HDX: variants seen among roughly 807,000 people sequenced by gnomAD.
HDX encodes highly divergent homeobox, also known as chromosome X open reading frame 43.
A neutral mutation model predicts 45.2 loss-of-function variants in HDX; 19 were observed. The observed-to-expected ratio is 0.42, with a 90% CI of 0.29 to 0.62. HDX has a LOEUF of 0.62. Among genes scored for constraint, HDX ranks in the 20% least tolerant of loss-of-function variants. The pLI, the probability that HDX is intolerant of heterozygous loss-of-function variation, is 0.20. For missense variants in HDX, 532 were observed against 493.9 expected (o/e 1.08, Z -0.73); for synonymous variants, 188 against 172.8 (o/e 1.09, Z -0.69).
chrX:84,499,376 C>G (rs139533404), intron 1 of HDX, among the ~76,000 whole-genome samples: 40 of 111,612 alleles, frequency 3.6e-4, no homozygotes, highest in African/African-American at 1.3e-3. Context: ...ATTTTGGGCT[C>G]TCTAAACTTA....
chrX:84,371,248 A>C (rs1053750495), intron 5 of HDX, among the ~76,000 whole-genome samples: 1 of 111,875 alleles, frequency 8.9e-6, no homozygotes, highest in African/African-American at 3.2e-5. Context: ...TCTGAAGCTT[A>C]TTTTCATTAT....
At chrX:84,490,057 G>A (rs1346142689) in intron 1 of HDX, among the ~76,000 whole-genome samples, 4 of 111,329 alleles carry the variant, frequency 3.6e-5, no homozygotes, top group African/African-American at 1.3e-4. Flanking sequence ...TTTCCTTTAA[G>A]TTATGGAATG....
At chrX:84,489,459 G>T (rs2040854165) in intron 1 of HDX, among the ~76,000 whole-genome samples, 1 of 111,963 alleles carries the variant, frequency 8.9e-6, no homozygotes, top group Admixed American at 9.5e-5. Flanking sequence ...GAGAAGGAAA[G>T]AGTTGTTGTA....
At chrX:84,497,691 CTGTGTG>C (rs3085364) in intron 1 of HDX, among the ~76,000 whole-genome samples, 18 of 103,887 alleles carry the variant, frequency 1.7e-4, no homozygotes, top group African/African-American at 7.1e-5. Flanking sequence ...TGTTATATGA[CTGTGTG>C]TGTGTGTGTG....
chrX:84,382,624 T>G (rs1343166698), intron 5 of HDX, among the ~76,000 whole-genome samples: 3 of 111,443 alleles, frequency 2.7e-5, no homozygotes, highest in Non-Finnish European at 5.7e-5. Flanking sequence ...TTCTCAGTTA[T>G]TTGTGGGATC....
rs771241040 is a variant in HDX, at chrX:84,369,773, T to C, written c.1306-8161A>G. ...TGGAGAAGTTCCCATTCAAGTCCTTTGCCCATTGTTTAAATGGGTTATTTG... is the reference window on the plus strand; with the variant it reads ...TGGAGAAGTTCCCATTCAAGTCCTTCGCCCATTGTTTAAATGGGTTATTTG... On this transcript the variant is annotated intron_variant, in intron 5 of 10. Coordinates refer to ENST00000373177, the MANE Select transcript of HDX (RefSeq NM_001177479.2). Among the ~76,000 whole-genome samples the C allele has an allele frequency of 2.7e-5, 3 of 112,386 alleles. No individual in the cohort carries two copies. In the South Asian group the frequency reaches 1.1e-3, roughly 41 times the overall value.
intron 9 of HDX, among the ~76,000 whole-genome samples, chrX:84,327,572 C>G (rs1053797493): frequency 9.0e-5 from 10 of 111,153 alleles, no homozygotes; most frequent in Non-Finnish European, 1.5e-4. Context: ...AGTGGTTAAA[C>G]AAATGTAAAT....
intron 9 of HDX, among the ~76,000 whole-genome samples, chrX:84,327,306 C>T (rs975187616): frequency 3.6e-5 from 4 of 111,743 alleles, no homozygotes; most frequent in African/African-American, 1.3e-4. Context: ...GGTTATTATA[C>T]TGGTAATCCC....
intron 5 of HDX, among the ~76,000 whole-genome samples, chrX:84,364,600 C>G (rs1251438853): frequency 2.1e-5 from 2 of 95,519 alleles, no homozygotes; most frequent in African/African-American, 7.8e-5. Flanking sequence ...CTGCCGGATT[C>G]AAGCTGATTC....
At chrX:84,322,635 T>C (rs2036621078) in intron 10 of HDX, among the ~76,000 whole-genome samples, 1 of 110,983 alleles carries the variant, frequency 9.0e-6, no homozygotes, top group African/African-American at 3.3e-5. Flanking sequence ...AGTAATGATG[T>C]ATCTGGAGGG....
chrX:84,448,180 C>T (rs767678429), intron 4 of HDX, among the ~76,000 whole-genome samples: 2 of 111,561 alleles, frequency 1.8e-5, no homozygotes, highest in African/African-American at 6.5e-5. Context: ...CAGGTCCACC[C>T]AGCCCATCAC....
At chrX:84,367,862 G>C in intron 5 of HDX, among the ~76,000 whole-genome samples, 3 of 111,548 alleles carry the variant, frequency 2.7e-5, no homozygotes, top group Admixed American at 1.9e-4. Context: ...GGGTGTGGGG[G>C]TAAGGGAGGG....
At chrX:84,440,205 AT>A (rs2039730947) in intron 5 of HDX, 1 of 153,385 alleles carries the variant, frequency 6.5e-6, no homozygotes, top group South Asian at 2.0e-4. Context: ...TGATTGAGAT[AT>A]TTTATATAAA....
Position 84,319,192 on chromosome X carries a change from G to C in HDX, c.*2697C>G, listed in dbSNP as rs2036553890. On this transcript the variant is annotated 3_prime_UTR_variant, in exon 11 of 11. Transcript: ENST00000373177. ...TCCACATTGGCTTCTGTCTCCCTGAGAGAGCCTTCAGATAGTAAGGTCTGT... is the reference window on the plus strand; with the variant it reads ...TCCACATTGGCTTCTGTCTCCCTGACAGAGCCTTCAGATAGTAAGGTCTGT... 1 of 109,929 alleles carries C rather than the reference G, an allele frequency of 9.1e-6. No individual in the cohort carries two copies. The highest frequency in any genetic ancestry group is 3.3e-5 in the African/African-American group (1 of 30,434). 9.1% of individuals were successfully genotyped at this position (109,929 alleles called of 1,213,427 possible).
intron 5 of HDX, among the ~76,000 whole-genome samples, chrX:84,427,376 T>G (rs6616944): frequency 0.071 from 7,846 of 111,003 alleles, 428 homozygotes; most frequent in East Asian, 0.42. Flanking sequence ...GATATCTGTA[T>G]GCACTAAAGA....
intron 5 of HDX, among the ~76,000 whole-genome samples, chrX:84,362,403 G>A (rs764035221): frequency 9.0e-6 from 1 of 111,267 alleles, no homozygotes; most frequent in South Asian, 3.8e-4. Flanking sequence ...GAGAGTCCAT[G>A]GCAGAGCTAT....
chrX:84,374,243 C>A (rs2037980226), intron 5 of HDX, among the ~76,000 whole-genome samples: 1 of 110,663 alleles, frequency 9.0e-6, no homozygotes, highest in Admixed American at 9.6e-5. Context: ...CAAACCATTG[C>A]TCAATGAAAT....
At position 84,379,332 on chromosome X, in the gene HDX, C is replaced by T. The variant is rs1366672335; in HGVS notation, c.1306-17720G>A. On this transcript the variant is annotated intron_variant, in intron 5 of 10. Coordinates refer to ENST00000373177, the MANE Select transcript of HDX (RefSeq NM_001177479.2). ...TTCATCATTGGACAGGTCTTTCAGACAGCAAATCAACAAAGAAACATTAGA... is the reference window on the plus strand; with the variant it reads ...TTCATCATTGGACAGGTCTTTCAGATAGCAAATCAACAAAGAAACATTAGA... 1.4e-4 allele frequency among the ~76,000 whole-genome samples: 15 copies of T among 110,340 alleles called. No individual in the cohort carries two copies. In the East Asian group the frequency reaches 4.3e-3, roughly 32 times the overall value.
intron 5 of HDX, among the ~76,000 whole-genome samples, chrX:84,368,232 G>T (rs935593768): frequency 1.8e-5 from 2 of 111,317 alleles, no homozygotes; most frequent in Non-Finnish European, 3.8e-5. Context: ...CTCATTTAAA[G>T]AATCATGGTT....
Sources: allele counts gnomAD v4.1 joint callset (sites outside exome capture counted in the v4.1 genomes callset), GRCh38; gene constraint gnomAD v4.1.1; transcripts MANE v1.5; gene names NCBI Gene and HGNC (gene_info 2026-07-23, HGNC 2026-07-21).